The following ZNF469 variants were observed in gnomAD, a reference collection of about 807,000 sequenced individuals.
ZNF469 encodes zinc finger protein 469.
A neutral mutation model predicts 1.0 loss-of-function variants in ZNF469; 1 was observed. The ratio of observed to expected loss-of-function variants is 1.00; its 90% CI spans 0.35 to 4.73. The LOEUF is 4.73. Among genes scored for constraint, ZNF469 ranks in the 30% most tolerant of loss-of-function variants. ZNF469 has a pLI of 0.16. For missense variants in ZNF469, 6,100 were observed against 5,356.3 expected (o/e 1.14, Z -4.33); for synonymous variants, 2,703 against 2,363.4 (o/e 1.14, Z -4.17).
chr16:88,361,111 A>C, the ZNF469 span, among the ~76,000 whole-genome samples: 2 of 152,216 alleles, frequency 1.3e-5, no homozygotes, highest in Non-Finnish European at 2.9e-5. Flanking sequence ...GTGACAGATC[A>C]TCAGGCATTA....
the ZNF469 span, among the ~76,000 whole-genome samples, chr16:88,147,182 G>A: frequency 2.6e-5 from 4 of 152,050 alleles, no homozygotes; most frequent in South Asian, 2.1e-4. Context: ...GAGCTGCCAC[G>A]CAGCTGGCTC....
chr16:88,411,062 C>T (rs995965668), intron 1 of ZNF469, among the ~76,000 whole-genome samples: 8 of 152,204 alleles, frequency 5.3e-5, no homozygotes, highest in African/African-American at 1.4e-4. Flanking sequence ...TGTAGAGCCC[C>T]TGTAATCCAG....
chr16:88,104,854 C>T, the ZNF469 span, among the ~76,000 whole-genome samples: 3 of 152,138 alleles, frequency 2.0e-5, no homozygotes, highest in Admixed American at 2.0e-4. Flanking sequence ...TTCAGGCCTG[C>T]GTTTCACTAT....
At chr16:88,147,578 T>C in the ZNF469 span, among the ~76,000 whole-genome samples, 1 of 151,960 alleles carries the variant, frequency 6.6e-6, no homozygotes, top group Admixed American at 6.5e-5. Flanking sequence ...GGGAGGGGCC[T>C]GTGAGTTGGA....
chr16:88,317,578 C>A, the ZNF469 span, among the ~76,000 whole-genome samples: 17 of 152,196 alleles, frequency 1.1e-4, no homozygotes, highest in African/African-American at 4.1e-4. Flanking sequence ...CTCCATCGTG[C>A]TGAGGCTTGG....
At chr16:88,360,243 C>G in the ZNF469 span, among the ~76,000 whole-genome samples, 6 of 152,094 alleles carry the variant, frequency 3.9e-5, no homozygotes, top group African/African-American at 1.4e-4. Flanking sequence ...TGGTCTCAAA[C>G]TCCTGACCTC....
At chr16:88,248,787 G>A in the ZNF469 span, among the ~76,000 whole-genome samples, 1 of 152,190 alleles carries the variant, frequency 6.6e-6, no homozygotes, top group Non-Finnish European at 1.5e-5. Context: ...ATTTCAACAG[G>A]TCAGCCAGTA....
rs1282257986 is a variant in ZNF469 at position 88,436,077 on chromosome 16, G to A, written c.8607G>A (p.Leu2869=). The A allele has an allele frequency of 2.6e-6, 4 of 1,549,812 alleles. No homozygotes were observed. The African/African-American group carries it at 4.1e-5, about 16-fold the overall frequency. Residue 2869 remains leucine, a synonymous_variant, in exon 3 of 3, where the codon TTG becomes TTA. Coordinates refer to ENST00000565624, the MANE Select transcript of ZNF469 (RefSeq NM_001367624.2). ...AGCTCTTCCCTCCAGGCGGTCGCTT[G>A]ACTAGAAAGAGGAACCCGCATGTCT... The part of the protein sequence containing the change: ...FSQLFPPGGR[L]TRKRNPHVYG...
chr16:88,116,628 G>A, the ZNF469 span, among the ~76,000 whole-genome samples: 148 of 152,290 alleles, frequency 9.7e-4, no homozygotes, highest in African/African-American at 3.2e-3. Context: ...GCCACACCAC[G>A]GAACGCTACT....
At position 88,436,080 on chromosome 16, in the gene ZNF469, TAGAA is replaced by T. The variant is rs1194445876; in HGVS notation, c.8614_8617del (p.Lys2872GlyfsTer144). 1 of 1,549,780 alleles carries T rather than the reference TAGAA, an allele frequency of 6.5e-7. No homozygotes were observed. Among genetic ancestry groups the T allele is most frequent in the Non-Finnish European group, 8.7e-7 (1 of 1,146,970 alleles). On this transcript the variant is annotated frameshift_variant, in exon 3 of 3. Coordinates refer to ENST00000565624, the MANE Select transcript of ZNF469 (RefSeq NM_001367624.2). LOFTEE classifies it low-confidence loss of function (END_TRUNC). ...TCTTCCCTCCAGGCGGTCGCTTGAC[TAGAA>T]AGAGGAACCCGCATGTCTACGGGAA...
chr16:88,228,153 T>C, the ZNF469 span, among the ~76,000 whole-genome samples: 2 of 152,244 alleles, frequency 1.3e-5, no homozygotes, highest in Non-Finnish European at 2.9e-5. Context: ...ACCCATCTTC[T>C]GAGGTTGCAG....
the ZNF469 span, among the ~76,000 whole-genome samples, chr16:88,327,005 C>T: frequency 6.6e-6 from 1 of 152,198 alleles, no homozygotes; most frequent in Non-Finnish European, 1.5e-5. Context: ...GAGCTGTCTC[C>T]TGGGTCAGGG....
chr16:88,213,324 C>G, the ZNF469 span, among the ~76,000 whole-genome samples: 1 of 152,180 alleles, frequency 6.6e-6, no homozygotes, highest in African/African-American at 2.4e-5. Flanking sequence ...TGGTCTCGAT[C>G]TCCTGACCTC....
the ZNF469 span, among the ~76,000 whole-genome samples, chr16:88,249,353 A>G: frequency 2.7e-5 from 4 of 149,954 alleles, no homozygotes; most frequent in African/African-American, 9.8e-5. Context: ...TTAGCCTCCC[A>G]AGCAGGACTC....
chr16:88,335,947 A>T, the ZNF469 span, among the ~76,000 whole-genome samples: 79 of 151,316 alleles, frequency 5.2e-4, 1 homozygote, highest in African/African-American at 1.7e-3. Flanking sequence ...AGACACTAAC[A>T]TGCCAATGCC....
the ZNF469 span, among the ~76,000 whole-genome samples, chr16:88,372,815 A>G: frequency 6.9e-6 from 1 of 144,980 alleles, no homozygotes; most frequent in East Asian, 1.9e-4. Flanking sequence ...CATTACCACC[A>G]TCATCATGAT....
the ZNF469 span, among the ~76,000 whole-genome samples, chr16:88,261,542 G>C: frequency 6.6e-6 from 1 of 152,218 alleles, no homozygotes; most frequent in Non-Finnish European, 1.5e-5. This position sits in a 1 kb window ranked among gnomAD's most constrained non-coding sequence, Gnocchi z 6.0. Flanking sequence ...CTGAAGCTTT[G>C]GGAAGTATGA....
chr16:88,147,353 C>T, the ZNF469 span, among the ~76,000 whole-genome samples: 8 of 152,042 alleles, frequency 5.3e-5, no homozygotes, highest in East Asian at 1.9e-4. Context: ...TGACCTTCAG[C>T]GCCAAAGTCA....
chr16:88,328,615 TCTC>T, the ZNF469 span, among the ~76,000 whole-genome samples: 3 of 152,060 alleles, frequency 2.0e-5, no homozygotes, highest in Non-Finnish European at 2.9e-5. Flanking sequence ...AACGCACTGA[TCTC>T]CTCCATCCCT....
Sources: gnomAD v4.1 joint callset for allele counts (sites outside exome capture counted in the v4.1 genomes callset) on GRCh38, gnomAD v4.1.1 for gene constraint, Gnocchi (gnomAD v3.1) non-coding constraint, MANE v1.5 for transcripts, NCBI Gene and HGNC (gene_info 2026-07-23, HGNC 2026-07-21) for gene names.